KLF12: variants seen among roughly 807,000 people sequenced by gnomAD.
KLF12 encodes KLF transcription factor 12.
KLF12 carries 9 observed loss-of-function variants against 37.8 expected under a neutral mutation model. The ratio of observed to expected loss-of-function variants is 0.24; its 90% CI spans 0.14 to 0.42. The LOEUF (loss-of-function observed/expected upper bound fraction) is 0.42. Ranked by LOEUF, KLF12 falls within the 10% of genes least tolerant of loss-of-function variation. The pLI is 1.00. For synonymous variants in KLF12, 208 were observed against 202.1 expected (o/e 1.03, Z -0.25); for missense variants, 411 against 516.0 (o/e 0.80, Z 1.97).
chr13:73,743,227 A>G (rs906754289), intron 6 of KLF12, among the ~76,000 whole-genome samples: 2 of 152,154 alleles, frequency 1.3e-5, no homozygotes, highest in African/African-American at 4.8e-5. Flanking sequence ...GCTGCACTCT[A>G]TTTCCAAACT....
At chr13:73,732,597 C>T (rs1215896212) in intron 6 of KLF12, among the ~76,000 whole-genome samples, 1 of 152,148 alleles carries the variant, frequency 6.6e-6, no homozygotes, top group Non-Finnish European at 1.5e-5. Flanking sequence ...TCTGCATACC[C>T]CCTTCCCTCT....
At chr13:73,920,695 G>A (rs531204371) in intron 3 of KLF12, among the ~76,000 whole-genome samples, 3 of 152,064 alleles carry the variant, frequency 2.0e-5, no homozygotes, top group South Asian at 2.1e-4. Flanking sequence ...TAAAAGTTAC[G>A]TCAAACACAA....
intron 3 of KLF12, among the ~76,000 whole-genome samples, chr13:73,866,301 G>T (rs1321919747): frequency 1.3e-5 from 2 of 152,048 alleles, no homozygotes; most frequent in Non-Finnish European, 2.9e-5. Context: ...CACAGGAAAG[G>T]TATTACATGT....
intron 2 of KLF12, among the ~76,000 whole-genome samples, chr13:73,970,149 A>G (rs1891289614): frequency 6.6e-6 from 1 of 152,200 alleles, no homozygotes; most frequent in African/African-American, 2.4e-5. Context: ...CCAGTGTGGC[A>G]GAGTGAGAAA....
intron 1 of KLF12, among the ~76,000 whole-genome samples, chr13:74,072,396 TATATATATATAA>T (rs1353379564): frequency 2.9e-4 from 37 of 126,012 alleles, no homozygotes; most frequent in African/African-American, 1.2e-3. Context: ...TATATATATA[TATATATATATAA>T]AAGATTATCT....
At chr13:73,963,629 T>C (rs1329413078) in intron 2 of KLF12, among the ~76,000 whole-genome samples, 2 of 152,224 alleles carry the variant, frequency 1.3e-5, no homozygotes, top group Non-Finnish European at 2.9e-5. Context: ...ATAACTCCAA[T>C]TTTCTATATG....
At chr13:74,263,531 C>G in the KLF12 span, among the ~76,000 whole-genome samples, 3 of 152,264 alleles carry the variant, frequency 2.0e-5, no homozygotes, top group East Asian at 5.8e-4. Flanking sequence ...TAATATTTAT[C>G]TGTTTATAGC....
the KLF12 span, among the ~76,000 whole-genome samples, chr13:74,193,432 C>T: frequency 7.9e-5 from 12 of 152,182 alleles, no homozygotes; most frequent in Non-Finnish European, 1.5e-4. Context: ...AGGCACTAGC[C>T]GACAATCATA....
intron 5 of KLF12, among the ~76,000 whole-genome samples, chr13:73,768,093 G>T (rs1880035859): frequency 6.6e-6 from 1 of 152,188 alleles, no homozygotes. Context: ...AGTGAAAATT[G>T]TGTGACCAGC....
the KLF12 span, among the ~76,000 whole-genome samples, chr13:74,197,719 T>C: frequency 2.6e-5 from 4 of 152,230 alleles, no homozygotes; most frequent in Non-Finnish European, 4.4e-5. Context: ...GTAATAGTGA[T>C]AGTTTTAAAA....
intron 6 of KLF12, among the ~76,000 whole-genome samples, chr13:73,738,105 A>ACACACACATT (rs1877620972): frequency 1.0e-5 from 1 of 95,352 alleles, no homozygotes; most frequent in Non-Finnish European, 2.1e-5. Flanking sequence ...ATATATATAT[A>ACACACACATT]TATATATATA....
intron 5 of KLF12, among the ~76,000 whole-genome samples, chr13:73,786,794 G>A (rs910682474): frequency 4.0e-5 from 6 of 150,666 alleles, no homozygotes; most frequent in East Asian, 1.9e-4. Flanking sequence ...GCATGGTGGC[G>A]TGCACCTGTA....
chr13:74,239,570 G>A, the KLF12 span, among the ~76,000 whole-genome samples: 8 of 111,644 alleles, frequency 7.2e-5, no homozygotes, highest in African/African-American at 2.9e-4. Flanking sequence ...TAATGTGTGG[G>A]AGTCTAAGTC....
chr13:73,755,380 T>C (rs1009022147), intron 6 of KLF12, among the ~76,000 whole-genome samples: 5 of 152,174 alleles, frequency 3.3e-5, no homozygotes, highest in African/African-American at 1.2e-4. Context: ...CATGGTAACA[T>C]ACAAGTACAT....
intron 6 of KLF12, among the ~76,000 whole-genome samples, chr13:73,751,282 G>C (rs1222101478): frequency 6.6e-6 from 1 of 152,062 alleles, no homozygotes; most frequent in African/African-American, 2.4e-5. Context: ...TGGATCAAAT[G>C]GTAGTTATAT....
the KLF12 span, among the ~76,000 whole-genome samples, chr13:74,147,794 C>T: frequency 6.6e-6 from 1 of 151,980 alleles, no homozygotes; most frequent in Non-Finnish European, 1.5e-5. Context: ...TCTGCCTTTC[C>T]TCCTCCTACC....
At position 73,764,282 on chromosome 13, in the gene KLF12, C is replaced by T. The variant is rs571976824; in HGVS notation, c.869+656G>A. Among the ~76,000 whole-genome samples, 9 of 151,818 alleles carry T rather than the reference C, an allele frequency of 5.9e-5. No homozygotes were observed. The South Asian group carries it at 1.9e-3, about 32-fold the overall frequency. ...ACTTTGTGGAATGGAGTAATATAAA[C>T]AAATACAGATATTGAGCCCACTTTT... On this transcript the variant is annotated intron_variant, in intron 6 of 7. Coordinates refer to ENST00000377669, the MANE Select transcript of KLF12 (RefSeq NM_007249.5).
At position 73,846,010 on chromosome 13, in the gene KLF12, T is replaced by A; in HGVS notation, c.487A>T (p.Ile163Phe). 1 of 1,614,108 alleles carries A rather than the reference T, an allele frequency of 6.2e-7. No homozygotes were observed. The highest frequency in any genetic ancestry group is 2.2e-5 in the East Asian group (1 of 44,864). ...CTTGAAGGCGGTACGGGATGGATAA[T>A]GTGCAAAAACTGCTGGCCTCCAACA... Residue 163 changes from isoleucine to phenylalanine, a missense_variant, in exon 4 of 8, where the codon ATT becomes TTT. By Grantham distance (21) the Ile-to-Phe change is conservative (BLOSUM62 0). This residue lies in a region of KLF12 where 351 missense variants were observed against 397.8 expected (regional missense o/e 0.88). Coordinates refer to ENST00000377669, the MANE Select transcript of KLF12 (RefSeq NM_007249.5).
At chr13:73,767,287 G>A (rs1879977773) in intron 5 of KLF12, among the ~76,000 whole-genome samples, 1 of 152,116 alleles carries the variant, frequency 6.6e-6, no homozygotes, top group Non-Finnish European at 1.5e-5. Flanking sequence ...CTCTGTAGGA[G>A]AAACCACCAC....
Sources: allele counts gnomAD v4.1 joint callset (sites outside exome capture counted in the v4.1 genomes callset), GRCh38; gene constraint gnomAD v4.1.1; regional missense constraint gnomAD v4.1.1; transcripts MANE v1.5; gene names NCBI Gene and HGNC (gene_info 2026-07-23, HGNC 2026-07-21).